The following CNTNAP5 variants were observed in gnomAD, a reference collection of about 807,000 sequenced individuals.
CNTNAP5 encodes contactin associated protein family member 5.
CNTNAP5 carries 72 observed loss-of-function variants against 150.2 expected under a neutral mutation model. The ratio of observed to expected loss-of-function variants is 0.48; its 90% CI spans 0.40 to 0.58. The LOEUF is 0.58. Ranked by LOEUF, CNTNAP5 falls within the 20% of genes least tolerant of loss-of-function variation. The pLI is 0.00. For synonymous variants in CNTNAP5, 672 were observed against 619.8 expected (o/e 1.08, Z -1.25); for missense variants, 1,636 against 1,626.2 (o/e 1.01, Z -0.10).
Position 124,067,627 on chromosome 2 carries a change from C to CT in CNTNAP5, c.82+41904dup, listed in dbSNP as rs1033293486. ...GTTCAAGAAATTAGAGCATGAGTAA[C>CT]TTTTTTTTTGAAGGTTGGGGGACAT... On this transcript the variant is annotated intron_variant, in intron 1 of 23. Transcript: ENST00000682447. 2.0e-5 allele frequency among the ~76,000 whole-genome samples: 3 copies of CT among 151,638 alleles called. No individual in the cohort carries two copies. The East Asian group carries it at 5.8e-4, about 29-fold the overall frequency.
intron 3 of CNTNAP5, among the ~76,000 whole-genome samples, chr2:124,401,188 A>G (rs1360179634): frequency 6.6e-6 from 1 of 152,176 alleles, no homozygotes; most frequent in Non-Finnish European, 1.5e-5. Context: ...CACTTAACAC[A>G]GCAGAAGTCA....
At chr2:124,403,575 T>C (rs1412216941) in intron 3 of CNTNAP5, among the ~76,000 whole-genome samples, 1 of 152,226 alleles carries the variant, frequency 6.6e-6, no homozygotes, top group Non-Finnish European at 1.5e-5. Context: ...TTGGCTTGGG[T>C]TACTGAAATC....
intron 1 of CNTNAP5, among the ~76,000 whole-genome samples, chr2:124,195,429 C>G (rs950974461): frequency 6.6e-6 from 1 of 152,186 alleles, no homozygotes; most frequent in Non-Finnish European, 1.5e-5. Flanking sequence ...GCCAGAGGCT[C>G]TCTTGCAATA....
intron 19 of CNTNAP5, among the ~76,000 whole-genome samples, chr2:124,816,179 G>A (rs1473560109): frequency 3.3e-5 from 5 of 152,168 alleles, no homozygotes; most frequent in Non-Finnish European, 7.3e-5. Flanking sequence ...TGGATTAGAA[G>A]AGCAAACGTT....
intron 3 of CNTNAP5, among the ~76,000 whole-genome samples, chr2:124,305,138 G>T (rs1449338761): frequency 1.3e-5 from 2 of 150,338 alleles, no homozygotes; most frequent in African/African-American, 4.9e-5. Flanking sequence ...AAAAAGTGGG[G>T]TGTGGTGGCA....
At position 124,369,010 on chromosome 2, in the gene CNTNAP5, T is replaced by C. The variant is rs1321966531; in HGVS notation, c.382-48433T>C. ...TTAAAACAAATAATTTTTTAAAAAA[T>C]AGTTGGATAGCTGAGAGTATCAAGA... On this transcript the variant is annotated intron_variant, in intron 3 of 23. Transcript: ENST00000682447. 3.9e-5 allele frequency among the ~76,000 whole-genome samples: 6 copies of C among 152,162 alleles called. No homozygotes were observed. The South Asian group carries it at 1.2e-3, about 32-fold the overall frequency.
intron 3 of CNTNAP5, among the ~76,000 whole-genome samples, chr2:124,326,590 A>G (rs148018962): frequency 1.7e-3 from 258 of 152,180 alleles, no homozygotes; most frequent in Non-Finnish European, 3.1e-3. Context: ...TTATTAGTAG[A>G]TGTGTGACCT....
chr2:124,517,714 G>A (rs1248747468), intron 8 of CNTNAP5, among the ~76,000 whole-genome samples: 20 of 145,516 alleles, frequency 1.4e-4, no homozygotes, highest in African/African-American at 5.1e-4. Context: ...GTGGTGATGG[G>A]GGTTGTGGTG....
intron 13 of CNTNAP5, among the ~76,000 whole-genome samples, chr2:124,711,026 A>G (rs1679795027): frequency 6.6e-6 from 1 of 152,090 alleles, no homozygotes; most frequent in Non-Finnish European, 1.5e-5. Context: ...TAATCCCCGC[A>G]CTTTGGGAGG....
chr2:124,086,223 G>C (rs1197253827), intron 1 of CNTNAP5, among the ~76,000 whole-genome samples: 1 of 111,486 alleles, frequency 9.0e-6, no homozygotes, highest in Non-Finnish European at 1.7e-5. Context: ...TTGAAACCGA[G>C]TCTTGCTCTG....
chr2:124,306,853 G>A (rs1012038252), intron 3 of CNTNAP5, among the ~76,000 whole-genome samples: 1 of 149,900 alleles, frequency 6.7e-6, no homozygotes, highest in African/African-American at 2.5e-5. Flanking sequence ...TCAGCCTCCT[G>A]AGTAGCTGGG....
intron 11 of CNTNAP5, among the ~76,000 whole-genome samples, chr2:124,597,551 A>C (rs1191246727): frequency 1.0e-3 from 153 of 150,928 alleles, no homozygotes; most frequent in Middle Eastern, 3.4e-3. Context: ...GGTAACCCGA[A>C]CTTTTTCTCT....
At chr2:124,095,379 C>A (rs1185747020) in intron 1 of CNTNAP5, among the ~76,000 whole-genome samples, 1 of 152,004 alleles carries the variant, frequency 6.6e-6, no homozygotes, top group Non-Finnish European at 1.5e-5. Flanking sequence ...AGCATTAGGA[C>A]AAATATCTAA....
chr2:124,710,804 C>G (rs1679790704), intron 13 of CNTNAP5, among the ~76,000 whole-genome samples: 1 of 152,140 alleles, frequency 6.6e-6, no homozygotes, highest in Non-Finnish European at 1.5e-5. Context: ...GTTATCCAGC[C>G]TGACTTTTCT....
Position 124,236,799 on chromosome 2 carries a change from T to A in CNTNAP5, c.188-5401T>A, listed in dbSNP as rs534269064. 3.6e-3 allele frequency among the ~76,000 whole-genome samples: 529 copies of A among 147,594 alleles called. 5 individuals are homozygous for A. The highest frequency in any genetic ancestry group is 0.013 in the African/African-American group (508 of 40,590). On this transcript the variant is annotated intron_variant, in intron 2 of 23. Transcript: ENST00000682447. ...TTCCTATAGGGTTTATTTTAGGCTT[T>A]AAAAAAAAAAATGGTCAGGCTGTAT...
intron 4 of CNTNAP5, among the ~76,000 whole-genome samples, chr2:124,434,234 C>G (rs985845497): frequency 6.6e-6 from 1 of 152,150 alleles, no homozygotes; most frequent in Non-Finnish European, 1.5e-5. Flanking sequence ...TGACATATCA[C>G]TAATGAGAGT....
chr2:124,237,885 A>C (rs940890392), intron 2 of CNTNAP5, among the ~76,000 whole-genome samples: 5 of 152,148 alleles, frequency 3.3e-5, no homozygotes, highest in Admixed American at 3.3e-4. Context: ...ACAATTGCTT[A>C]GAATTCTCCA....
At position 124,767,701 on chromosome 2, in the gene CNTNAP5, G is replaced by C. The variant is rs141740975; in HGVS notation, c.2533+3554G>C. 3.9e-5 allele frequency among the ~76,000 whole-genome samples: 6 copies of C among 152,272 alleles called. No homozygotes were observed. In the East Asian group the frequency reaches 9.7e-4, roughly 25 times the overall value. On this transcript the variant is annotated intron_variant, in intron 16 of 23. Transcript: ENST00000682447. The stretch of plus-strand genomic sequence containing the variant: ...CTGCAAATAACAGAAAATTCAATCT[G>C]AACTGGCAACCACAAGAATGGGAAT...
rs191317088 is a variant in CNTNAP5 at position 124,739,295 on chromosome 2, C to A, written c.2078-7934C>A. Among the ~76,000 whole-genome samples the A allele has an allele frequency of 2.7e-3, 418 of 152,246 alleles. 4 individuals carry two copies. The highest frequency in any genetic ancestry group is 4.9e-3 in the Non-Finnish European group (334 of 68,024). ...TGAATTAACGATCTTGACCAGCAAG[C>A]AGGAAGACGAAGATTGACTTTGATG... is the stretch of plus-strand genomic sequence containing the variant. On this transcript the variant is annotated intron_variant, in intron 13 of 23. Transcript: ENST00000682447.
Sources: gnomAD v4.1 joint callset for allele counts (sites outside exome capture counted in the v4.1 genomes callset) on GRCh38, gnomAD v4.1.1 for gene constraint, MANE v1.5 for transcripts, NCBI Gene and HGNC (gene_info 2026-07-23, HGNC 2026-07-21) for gene names.